The following AEBP2 variants were observed in gnomAD, a reference collection of about 807,000 sequenced individuals.
AEBP2 encodes AE binding protein 2.
AEBP2 carries 10 observed loss-of-function variants against 50.8 expected under a neutral mutation model. The ratio of observed to expected loss-of-function variants is 0.20; its 90% CI spans 0.12 to 0.33. AEBP2 has a LOEUF of 0.33. AEBP2 is among the 10% of genes least tolerant of loss of function. AEBP2 has a pLI of 1.00. For missense variants in AEBP2, 570 were observed against 688.0 expected, an observed-to-expected ratio of 0.83 and a Z score of 1.92; for synonymous variants, 296 against 261.3, an observed-to-expected ratio of 1.13 and a Z score of -1.28.
rs369353555 is a variant in AEBP2, at chr12:19,500,282, A to G, written c.1299+61A>G. 74 of 1,331,886 alleles carry G rather than the reference A, an allele frequency of 5.6e-5. No homozygotes were observed. The Middle Eastern group carries it at 2.3e-3, about 42-fold the overall frequency. The allele number at this position is 1,331,886 out of a possible 1,614,324, so 82.5% of individuals were successfully genotyped here. On this transcript the variant is annotated intron_variant, in intron 5 of 7. Transcript: ENST00000266508. ...AACTTTGCAAAAAAATATTTCCACA[A>G]TCATTTCTAAATCTCTCAAAATCTA...
chr12:19,481,794 G>GT (rs1314886308), intron 3 of AEBP2, among the ~76,000 whole-genome samples: 2 of 152,064 alleles, frequency 1.3e-5, no homozygotes, highest in Non-Finnish European at 2.9e-5. Flanking sequence ...TGCATTTTCT[G>GT]TTTCTCTAAG....
chr12:19,440,430 A>G, intron 1 of AEBP2, 60 bp downstream of exon 1: 23 of 1,443,962 alleles, frequency 1.6e-5, no homozygotes, highest in Non-Finnish European at 2.0e-5. Context: ...GGCCCCTCAG[A>G]GGGGGACCAA....
intron 5 of AEBP2, chr12:19,509,212 G>A (rs1178226116): frequency 2.7e-6 from 1 of 369,570 alleles, no homozygotes; most frequent in Non-Finnish European, 5.2e-6. Flanking sequence ...AGAAAATTGG[G>A]GTGTAAGTGT....
chr12:19,495,972 A>G (rs1948973929), intron 4 of AEBP2, among the ~76,000 whole-genome samples: 2 of 152,204 alleles, frequency 1.3e-5, no homozygotes, highest in South Asian at 4.1e-4. Context: ...ACTTGTGTTA[A>G]TATCAAGTAG....
At chr12:19,452,515 G>T (rs1368671590) in intron 1 of AEBP2, among the ~76,000 whole-genome samples, 161 of 146,122 alleles carry the variant, frequency 1.1e-3, no homozygotes, top group Admixed American at 1.9e-3. Flanking sequence ...TTTTTTTTTT[G>T]TTGTTAATGG....
At chr12:19,446,062 T>C (rs1948058797) in intron 1 of AEBP2, 1 of 151,566 alleles carries the variant, frequency 6.6e-6, no homozygotes, top group Non-Finnish European at 1.5e-5. Flanking sequence ...GCATGCCAGT[T>C]ATCTATTGGT....
At chr12:19,414,387 C>T (rs533208873) in intron 1 of AEBP2, among the ~76,000 whole-genome samples, 10 of 152,276 alleles carry the variant, frequency 6.6e-5, no homozygotes, top group African/African-American at 2.4e-4. Flanking sequence ...GGCCAATTCC[C>T]AAAGTTACTT....
chr12:19,521,323 T>C lies in AEBP2; in HGVS notation c.*3206T>C, dbSNP rs1244009924. 6.6e-6 allele frequency: 1 copy of C among 152,194 alleles called. No individual in the cohort carries two copies. Among genetic ancestry groups the C allele is most frequent in the Non-Finnish European group, 1.5e-5 (1 of 68,026 alleles). The allele number at this position is 152,194 out of a possible 1,614,324, so 9.4% of individuals were successfully genotyped here. Reference sequence around the variant, plus strand: ...AGTAAATACTGCCATATTAGGTACCTACAACAAATGGTGGTTTTTGGAAAC... The same window carrying C: ...AGTAAATACTGCCATATTAGGTACCCACAACAAATGGTGGTTTTTGGAAAC... On this transcript the variant is annotated 3_prime_UTR_variant, in exon 8 of 8. Transcript: ENST00000266508.
chr12:19,410,448 T>C (rs1222711576), intron 1 of AEBP2, among the ~76,000 whole-genome samples: 1 of 152,152 alleles, frequency 6.6e-6, no homozygotes, highest in African/African-American at 2.4e-5. Flanking sequence ...ATGGTGTAGA[T>C]GGAAGAGATT....
At chr12:19,487,080 G>A (rs1948819890) in intron 3 of AEBP2, among the ~76,000 whole-genome samples, 1 of 152,086 alleles carries the variant, frequency 6.6e-6, no homozygotes, top group South Asian at 2.1e-4. Flanking sequence ...TTTGGGTGAA[G>A]TGCCTATTCA....
intron 1 of AEBP2, chr12:19,404,237 C>T (rs1327083572): frequency 1.3e-5 from 2 of 152,276 alleles, no homozygotes; most frequent in Non-Finnish European, 2.9e-5. Flanking sequence ...GAATGGCTTC[C>T]CTCTGTCCCT....
upstream of AEBP2, among the ~76,000 whole-genome samples, chr12:19,436,211 C>A (rs1201070869): frequency 5.3e-5 from 8 of 152,190 alleles, no homozygotes; most frequent in African/African-American, 1.9e-4. Context: ...AGACAACTCC[C>A]ACCAGTGCCT....
chr12:19,457,209 T>C (rs1171784129), intron 1 of AEBP2: 14 of 1,598,046 alleles, frequency 8.8e-6, no homozygotes, highest in Non-Finnish European at 1.2e-5. Flanking sequence ...TCACACCCAG[T>C]GTGTAAGCCA....
chr12:19,430,762 G>T (rs1176166995), intron 1 of AEBP2, among the ~76,000 whole-genome samples: 1 of 152,168 alleles, frequency 6.6e-6, no homozygotes. Flanking sequence ...GTTCACTCAT[G>T]ATTTGGCTCT....
At chr12:19,468,835 A>G (rs1280922889) in intron 2 of AEBP2, among the ~76,000 whole-genome samples, 5 of 152,224 alleles carry the variant, frequency 3.3e-5, no homozygotes, top group Non-Finnish European at 4.4e-5. Flanking sequence ...AGAGTTCTCA[A>G]CAGAAAGCCA....
chr12:19,502,278 T>A (rs1296565367), intron 5 of AEBP2, among the ~76,000 whole-genome samples: 1 of 151,698 alleles, frequency 6.6e-6, no homozygotes, highest in Non-Finnish European at 1.5e-5. Flanking sequence ...GGATTACAGG[T>A]GCATGCCACC....
intron 1 of AEBP2, among the ~76,000 whole-genome samples, chr12:19,427,174 T>C (rs2095748957): frequency 6.6e-6 from 1 of 151,714 alleles, no homozygotes; most frequent in Non-Finnish European, 1.5e-5. Context: ...GTCAGGAGTT[T>C]GAAACCATCC....
At chr12:19,479,717 G>GGTT (rs1948697902) in intron 3 of AEBP2, among the ~76,000 whole-genome samples, 1 of 22,314 alleles carries the variant, frequency 4.5e-5, no homozygotes, top group African/African-American at 1.6e-4. Context: ...CTCTTTGTGG[G>GGTT]TTTTTTTTTT....
At chr12:19,463,069 T>G (rs558105446) in intron 2 of AEBP2, among the ~76,000 whole-genome samples, 2 of 152,304 alleles carry the variant, frequency 1.3e-5, no homozygotes, top group South Asian at 4.1e-4. Flanking sequence ...TGTTAGAGGA[T>G]CCTAAATTAT....
Sources: allele counts gnomAD v4.1 joint callset (sites outside exome capture counted in the v4.1 genomes callset), GRCh38; gene constraint gnomAD v4.1.1; transcripts MANE v1.5; gene names NCBI Gene and HGNC (gene_info 2026-07-23, HGNC 2026-07-21).